The following ERC1 variants were observed in gnomAD, a reference collection of about 807,000 sequenced individuals.
ERC1 encodes the protein RAB6 interacting protein 2.
ERC1 carries 56 observed loss-of-function variants against 132.0 expected under a neutral mutation model. The observed-to-expected ratio is 0.42, with a 90% CI of 0.34 to 0.53. ERC1 has a LOEUF of 0.53. Ranked by LOEUF, ERC1 falls within the 20% of genes least tolerant of loss-of-function variation. ERC1 has a pLI of 0.03. For missense variants in ERC1, 1,202 were observed against 1,349.9 expected (o/e 0.89, Z 1.72); for synonymous variants, 478 against 476.1 (o/e 1.00, Z -0.05).
chr12:1,204,666 G>C (rs1367002528), intron 12 of ERC1, among the ~76,000 whole-genome samples: 1 of 152,170 alleles, frequency 6.6e-6, no homozygotes, highest in Non-Finnish European at 1.5e-5. Context: ...GGGTTTATCA[G>C]AAGAGTGTGT....
At chr12:1,032,656 T>C (rs906669624) in intron 2 of ERC1, among the ~76,000 whole-genome samples, 1 of 152,176 alleles carries the variant, frequency 6.6e-6, no homozygotes, top group Admixed American at 6.5e-5. Flanking sequence ...TTGTGAATCA[T>C]TGATGCACCA....
At chr12:1,156,924 G>A (rs1474096125) in intron 8 of ERC1, among the ~76,000 whole-genome samples, 4 of 151,354 alleles carry the variant, frequency 2.6e-5, no homozygotes, top group Non-Finnish European at 5.9e-5. Flanking sequence ...TAAATACATT[G>A]GTCTATTTCC....
chr12:1,466,614 T>C (rs1007828542), intron 18 of ERC1, among the ~76,000 whole-genome samples: 1 of 152,152 alleles, frequency 6.6e-6, no homozygotes, highest in Non-Finnish European at 1.5e-5. Flanking sequence ...CCAAATAAAC[T>C]GTGGGGCTCT....
chr12:1,099,782 G>A (rs187391121), intron 3 of ERC1, among the ~76,000 whole-genome samples: 6 of 147,426 alleles, frequency 4.1e-5, no homozygotes, highest in East Asian at 4.2e-4. Flanking sequence ...GTATATTAGA[G>A]TCAAATCATA....
chr12:1,480,897 T>C (rs2094076998), intron 18 of ERC1: 3 of 702,392 alleles, frequency 4.3e-6, no homozygotes, highest in Non-Finnish European at 7.8e-6. Flanking sequence ...GTGATGCTCA[T>C]GGTAAGGAAA....
At chr12:1,117,847 C>T (rs116721585) in intron 7 of ERC1, among the ~76,000 whole-genome samples, 1,995 of 152,098 alleles carry the variant, frequency 0.013, 60 homozygotes, top group African/African-American at 0.045. Context: ...TTAAGCTAAA[C>T]TTAGGTTTAT....
chr12:1,259,347 A>G (rs1335336077), intron 13 of ERC1, among the ~76,000 whole-genome samples: 1 of 152,050 alleles, frequency 6.6e-6, no homozygotes, highest in Admixed American at 6.6e-5. Flanking sequence ...TAGTGTTTTT[A>G]CACAAACCAA....
At position 1,493,548 on chromosome 12, in the gene ERC1, A is replaced by AAAAAATATAT. The variant is rs56939346; in HGVS notation, c.*3319_*3320insAAAATATATA. ...ACTCCATTTAAAAAAAAAAAAAAAA[A>AAAAAATATAT]ATATATATATATATATATATATATA... is the stretch of plus-strand genomic sequence containing the variant. On this transcript the variant is annotated 3_prime_UTR_variant, in exon 19 of 19. Coordinates refer to ENST00000360905, the MANE Select transcript of ERC1 (RefSeq NM_178040.4). 4.4e-4 allele frequency: 6 copies of AAAAAATATAT among 13,622 alleles called. No homozygotes were observed. Among genetic ancestry groups the AAAAAATATAT allele is most frequent in the Admixed American group, 1.0e-3 (1 of 974 alleles). The allele number at this position is 13,622 out of a possible 1,614,324, so 0.8% of individuals were successfully genotyped here.
chr12:1,084,144 T>C (rs1160887038), intron 3 of ERC1, among the ~76,000 whole-genome samples: 1 of 152,222 alleles, frequency 6.6e-6, no homozygotes, highest in East Asian at 1.9e-4. Context: ...GTGTTACTTA[T>C]TTTTAGCTGA....
chr12:1,072,692 A>G (rs1940622820), intron 2 of ERC1, among the ~76,000 whole-genome samples: 2 of 151,818 alleles, frequency 1.3e-5, no homozygotes, highest in Admixed American at 6.6e-5. Context: ...TTTTAATTTT[A>G]ATTTTTACTT....
chr12:1,365,696 A>G (rs149915096), intron 15 of ERC1, among the ~76,000 whole-genome samples: 2 of 152,360 alleles, frequency 1.3e-5, no homozygotes, highest in Admixed American at 1.3e-4. Flanking sequence ...AGGCTAATGC[A>G]ATGCAGAACA....
chr12:1,004,404 T>C (rs1208300335), intron 1 of ERC1, among the ~76,000 whole-genome samples: 2,989 of 132,482 alleles, frequency 0.023, 8 homozygotes, highest in Middle Eastern at 0.05. Flanking sequence ...TCTTTCTCTT[T>C]TTTTTTTTTT....
chr12:1,304,007 C>CTA (rs2080637676), intron 15 of ERC1, among the ~76,000 whole-genome samples: 1 of 149,968 alleles, frequency 6.7e-6, no homozygotes, highest in Non-Finnish European at 1.5e-5. Context: ...TGATATATAT[C>CTA]TAGATTTTTT....
At chr12:1,225,737 A>G (rs1382931540) in intron 12 of ERC1, among the ~76,000 whole-genome samples, 1 of 151,994 alleles carries the variant, frequency 6.6e-6, no homozygotes, top group Non-Finnish European at 1.5e-5. Flanking sequence ...TTTATTCCAC[A>G]TGTCATAATG....
At position 1,216,602 on chromosome 12, in the gene ERC1, C is replaced by G. The variant is rs187769486; in HGVS notation, c.2352-20167C>G. 7.3e-3 allele frequency among the ~76,000 whole-genome samples: 65 copies of G among 8,920 alleles called. 1 individual carries two copies. The highest frequency in any genetic ancestry group is 0.018 in the African/African-American group (60 of 3,342). The allele number at this position is 8,920 out of a possible 152,430, so 5.9% of individuals were successfully genotyped here. The stretch of plus-strand genomic sequence containing the variant: ...ATCATTGACATAGCCTTGGTGGGGT[C>G]GGGGAGGAGGGATGGGGGGTGGGGG... On this transcript the variant is annotated intron_variant, in intron 12 of 18. Coordinates refer to ENST00000360905, the MANE Select transcript of ERC1 (RefSeq NM_178040.4).
chr12:1,015,721 C>A (rs1240154499), intron 1 of ERC1, among the ~76,000 whole-genome samples: 1 of 152,062 alleles, frequency 6.6e-6, no homozygotes, highest in Non-Finnish European at 1.5e-5. Flanking sequence ...ATTTCTCGTC[C>A]CTAGTAATAT....
At chr12:1,059,142 T>C (rs187298522) in intron 2 of ERC1, among the ~76,000 whole-genome samples, 4 of 152,360 alleles carry the variant, frequency 2.6e-5, no homozygotes, top group Admixed American at 6.5e-5. Flanking sequence ...GCTGGTTTGT[T>C]ATTGGTGTAT....
intron 3 of ERC1, among the ~76,000 whole-genome samples, chr12:1,102,386 G>A (rs1944761960): frequency 6.6e-6 from 1 of 152,150 alleles, no homozygotes; most frequent in Non-Finnish European, 1.5e-5. Context: ...ACAGAAGACA[G>A]TTTCTAAAAG....
chr12:1,372,092 A>C, intron 16 of ERC1, 115 bp downstream of exon 16: 1 of 1,242,904 alleles, frequency 8.0e-7, no homozygotes. Context: ...ACATCTGATC[A>C]TTGGAGCTAG....
Sources: gnomAD v4.1 joint callset for allele counts (sites outside exome capture counted in the v4.1 genomes callset) on GRCh38, gnomAD v4.1.1 for gene constraint, MANE v1.5 for transcripts, NCBI Gene and HGNC (gene_info 2026-07-23, HGNC 2026-07-21) for gene names.